The following DIAPH2 variants were observed in gnomAD, a reference collection of about 807,000 sequenced individuals.
DIAPH2 encodes the protein protein diaphanous homolog 2.
A neutral mutation model predicts 92.7 loss-of-function variants in DIAPH2; 35 were observed. The observed-to-expected ratio is 0.38, with a 90% CI of 0.29 to 0.50. DIAPH2 has a LOEUF of 0.50. DIAPH2 is among the 20% of genes least tolerant of loss of function. The pLI, the probability that DIAPH2 is intolerant of heterozygous loss-of-function variation, is 0.94. For synonymous variants in DIAPH2, 301 were observed against 280.4 expected (o/e 1.07, Z -0.73); for missense variants, 701 against 819.5 (o/e 0.86, Z 1.77).
At position 97,603,696 on chromosome X, in the gene DIAPH2, A is replaced by T. The variant is rs2071607062; in HGVS notation, c.*4379A>T. On this transcript the variant is annotated 3_prime_UTR_variant, in exon 27 of 27. Transcript: ENST00000324765. Reference sequence around the variant, plus strand: ...CATCATTTATTCAACTTTTCACACTACTGTAGTAGACAATTTAGATAGATA... The same window carrying T: ...CATCATTTATTCAACTTTTCACACTTCTGTAGTAGACAATTTAGATAGATA... 1.8e-5 allele frequency: 2 copies of T among 112,301 alleles called. No homozygotes were observed. Among genetic ancestry groups the T allele is most frequent in the South Asian group, 7.4e-4 (2 of 2,693 alleles). The allele number at this position is 112,301 out of a possible 1,213,427, so 9.3% of individuals were successfully genotyped here.
rs771798392 is a variant in DIAPH2, at chrX:97,153,354, G to A, written c.2719+11560G>A. ...TCCCAGCACTTTGGGAGGCCGAGGC[G>A]GGTGGATTCCCTGAGGTCAGGAGTT... On this transcript the variant is annotated intron_variant, in intron 22 of 26. Coordinates refer to ENST00000324765, the MANE Select transcript of DIAPH2 (RefSeq NM_006729.5). 3.6e-5 allele frequency among the ~76,000 whole-genome samples: 4 copies of A among 111,005 alleles called. No individual in the cohort carries two copies. The East Asian group carries it at 8.5e-4, about 24-fold the overall frequency.
chrX:97,306,768 G>C (rs2068750837), intron 23 of DIAPH2, among the ~76,000 whole-genome samples: 1 of 111,781 alleles, frequency 8.9e-6, no homozygotes, highest in African/African-American at 3.2e-5. Flanking sequence ...ATCCAAATTA[G>C]CCTTATGGAA....
In DIAPH2 at chrX:96,837,437, G is replaced by C. The variant is rs12395807; in HGVS notation, c.448-44142G>C. 1.9e-3 allele frequency among the ~76,000 whole-genome samples: 119 copies of C among 63,903 alleles called. 1 individual carries two copies. The highest frequency in any genetic ancestry group is 4.6e-3 in the African/African-American group (37 of 8,043). 55.5% of individuals were successfully genotyped at this position (63,903 alleles called of 115,157 possible). A position where few individuals can be genotyped will look rare whatever the true frequency, so the allele number is the denominator to read the frequency against. The stretch of plus-strand genomic sequence containing the variant: ...TCTCTCTCTCTCTCTCTCTCTCTGT[G>C]TGTGTGTGTGTGTGTGTGTGTGTGT... On this transcript the variant is annotated intron_variant, in intron 4 of 26. Transcript: ENST00000324765.
At chrX:97,450,924 T>C (rs1248057081) in intron 26 of DIAPH2, among the ~76,000 whole-genome samples, 1 of 108,105 alleles carries the variant, frequency 9.3e-6, no homozygotes, top group Admixed American at 1.0e-4. Context: ...AGATTTGTAA[T>C]TTTTAAGAAG....
chrX:96,757,152 C>T (rs985318286), intron 3 of DIAPH2, among the ~76,000 whole-genome samples: 2 of 110,235 alleles, frequency 1.8e-5, no homozygotes, highest in Non-Finnish European at 3.8e-5. Flanking sequence ...CTCCTGACCT[C>T]GTGATCCACC....
At chrX:97,215,947 A>G (rs1216888144) in intron 22 of DIAPH2, among the ~76,000 whole-genome samples, 1 of 112,111 alleles carries the variant, frequency 8.9e-6, no homozygotes, top group Non-Finnish European at 1.9e-5. Context: ...ATTGAGATCA[A>G]AATTGCTCTA....
At chrX:96,995,823 A>T (rs903663200) in intron 17 of DIAPH2, among the ~76,000 whole-genome samples, 28 of 109,852 alleles carry the variant, frequency 2.5e-4, no homozygotes, top group Non-Finnish European at 4.9e-4. Context: ...TCAGAAGAAT[A>T]TATGAAGAGT....
intron 25 of DIAPH2, among the ~76,000 whole-genome samples, chrX:97,425,780 CAA>C (rs770197385): frequency 2.1e-4 from 12 of 57,885 alleles, no homozygotes; most frequent in African/African-American, 3.0e-4. Flanking sequence ...GACTCGGTCT[CAA>C]AAAAAAAAAA....
chrX:97,316,304 T>G (rs1451917985), intron 23 of DIAPH2, among the ~76,000 whole-genome samples: 1 of 110,808 alleles, frequency 9.0e-6, no homozygotes, highest in African/African-American at 3.3e-5. Flanking sequence ...GTTCTTTCTC[T>G]TCTCACTTTC....
chrX:97,165,659 AT>A (rs199970468), intron 22 of DIAPH2, among the ~76,000 whole-genome samples: 31,995 of 97,241 alleles, frequency 0.33, 4,633 homozygotes, highest in East Asian at 0.59. Flanking sequence ...ATGCCCAGCA[AT>A]TTTTTTTTTT....
At chrX:96,751,647 G>GTTTTTTTGTTT (rs1332024432) in intron 3 of DIAPH2, among the ~76,000 whole-genome samples, 2 of 85,049 alleles carry the variant, frequency 2.4e-5, no homozygotes, top group African/African-American at 8.8e-5. Context: ...AGACTTCAGT[G>GTTTTTTTGTTT]TTTTGTTTTT....
intron 26 of DIAPH2, among the ~76,000 whole-genome samples, chrX:97,590,319 T>C (rs1416660987): frequency 3.6e-5 from 4 of 111,630 alleles, no homozygotes; most frequent in Non-Finnish European, 5.6e-5. Flanking sequence ...ACTTCCATCA[T>C]CAGCAAGAAA....
intron 23 of DIAPH2, among the ~76,000 whole-genome samples, chrX:97,340,683 C>G (rs750242857): frequency 1.0e-5 from 1 of 98,905 alleles, no homozygotes; most frequent in African/African-American, 3.8e-5. Flanking sequence ...TGAGATGGAG[C>G]CTCGCTCTGT....
intron 26 of DIAPH2, among the ~76,000 whole-genome samples, chrX:97,430,356 A>G (rs2070113791): frequency 8.9e-6 from 1 of 112,678 alleles, no homozygotes. Flanking sequence ...CACCCAAGTG[A>G]ACTGGAAAGT....
chrX:97,392,178 C>T (rs1011292061), intron 25 of DIAPH2, among the ~76,000 whole-genome samples: 3 of 111,575 alleles, frequency 2.7e-5, no homozygotes, highest in African/African-American at 6.5e-5. Context: ...CTCTTCATGC[C>T]TCAGTTACCT....
intron 23 of DIAPH2, among the ~76,000 whole-genome samples, chrX:97,308,478 T>C (rs766248540): frequency 1.5e-4 from 17 of 110,723 alleles, no homozygotes; most frequent in Non-Finnish European, 2.5e-4. Flanking sequence ...ACAAGTCTTA[T>C]GTGTTAAAAA....
At chrX:97,040,259 T>C (rs1257562140) in intron 17 of DIAPH2, among the ~76,000 whole-genome samples, 1 of 108,510 alleles carries the variant, frequency 9.2e-6, no homozygotes, top group African/African-American at 3.4e-5. Context: ...TAAATCTCGG[T>C]CTATTTGAGT....
intron 10 of DIAPH2, among the ~76,000 whole-genome samples, chrX:96,933,035 C>T (rs1489969590): frequency 2.7e-5 from 3 of 111,131 alleles, no homozygotes; most frequent in Non-Finnish European, 5.7e-5. Context: ...CTCAGTGATT[C>T]TTCAGCAAGA....
chrX:96,753,547 G>A (rs939220993), intron 3 of DIAPH2, among the ~76,000 whole-genome samples: 4 of 111,835 alleles, frequency 3.6e-5, no homozygotes, highest in Non-Finnish European at 7.5e-5. Context: ...CATTTATGTG[G>A]CTCTTGAATT....
Sources: allele counts gnomAD v4.1 joint callset (sites outside exome capture counted in the v4.1 genomes callset), GRCh38; gene constraint gnomAD v4.1.1; transcripts MANE v1.5; gene names NCBI Gene and HGNC (gene_info 2026-07-23, HGNC 2026-07-21).